The following KALRN variants were observed in gnomAD, a reference collection of about 807,000 sequenced individuals.
KALRN encodes kalirin RhoGEF kinase, also known as kalirin.
Under a neutral mutation model 353.7 loss-of-function variants are expected in KALRN, and 70 were observed. That is an observed-to-expected ratio of 0.20 (90% CI 0.16 to 0.24). The LOEUF (loss-of-function observed/expected upper bound fraction) is 0.24, where lower values mean the gene tolerates loss of function less well. KALRN is among the 10% of genes least tolerant of loss of function. The probability of loss-of-function intolerance (pLI) is 1.00; values close to 1 mark genes in which losing one functional copy is unlikely to be tolerated. For synonymous variants in KALRN, 1,391 were observed against 1,434.8 expected (o/e 0.97, Z 0.69); for missense variants, 2,791 against 3,756.7 (o/e 0.74, Z 6.72).
At chr3:124,107,315 C>T (rs1400090534) in intron 1 of KALRN, among the ~76,000 whole-genome samples, 5 of 152,160 alleles carry the variant, frequency 3.3e-5, no homozygotes, top group Non-Finnish European at 7.4e-5. Context: ...GTACAAGTCC[C>T]TCAGTGATAG....
intron 38 of KALRN, 70 bp from the exon 39 acceptor site, chr3:124,655,531 G>A (rs1436442997): frequency 4.3e-5 from 54 of 1,270,304 alleles, no homozygotes; most frequent in Non-Finnish European, 6.1e-5. Context: ...TAACTTTTCT[G>A]TGAACTTAAG....
intron 1 of KALRN, among the ~76,000 whole-genome samples, chr3:124,046,982 T>TC (rs1163162535): frequency 6.9e-6 from 1 of 144,244 alleles, no homozygotes; most frequent in Non-Finnish European, 1.5e-5. Flanking sequence ...AGGAAATGTA[T>TC]CTTTTTTTTT....
At chr3:124,174,890 G>A (rs1320185) in intron 1 of KALRN, among the ~76,000 whole-genome samples, 144,911 of 152,336 alleles carry the variant, frequency 0.95, 69,351 homozygotes, top group East Asian at 1. Flanking sequence ...CCGTAAGCTA[G>A]TCACCATCTT....
chr3:124,328,640 G>A (rs1466638181), intron 7 of KALRN, among the ~76,000 whole-genome samples: 2 of 152,190 alleles, frequency 1.3e-5, no homozygotes, highest in Non-Finnish European at 2.9e-5. Flanking sequence ...ATGGTCTAGT[G>A]TGTTACAAAA....
intron 6 of KALRN, among the ~76,000 whole-genome samples, chr3:124,309,481 A>T (rs1279902716): frequency 6.6e-6 from 1 of 152,112 alleles, no homozygotes; most frequent in Non-Finnish European, 1.5e-5. Context: ...GAGTTATTTG[A>T]CTCCAGGAGT....
intron 23 of KALRN, among the ~76,000 whole-genome samples, chr3:124,461,078 A>C (rs1246552157): frequency 6.6e-6 from 1 of 152,224 alleles, no homozygotes; most frequent in Non-Finnish European, 1.5e-5. Flanking sequence ...GCAAACATAG[A>C]CCAAATTTGA....
intron 10 of KALRN, among the ~76,000 whole-genome samples, chr3:124,362,425 C>T (rs1026808717): frequency 3.9e-5 from 6 of 152,240 alleles, no homozygotes; most frequent in African/African-American, 1.4e-4. Context: ...GATCTTATGG[C>T]CTCCTGCAGA....
At chr3:124,503,294 G>A (rs1038333842) in intron 33 of KALRN, among the ~76,000 whole-genome samples, 1 of 152,056 alleles carries the variant, frequency 6.6e-6, no homozygotes. Context: ...ATATAGCTGC[G>A]TAATCTCGAG....
intron 52 of KALRN, 131 bp from the exon 53 acceptor site, chr3:124,694,201 G>C: frequency 1.2e-6 from 1 of 841,900 alleles, no homozygotes; most frequent in South Asian, 1.7e-5. Context: ...TGACTCACCA[G>C]TGTTATACTG....
rs544458433 is a variant in KALRN at position 124,229,922 on chromosome 3, GT to G, written c.148+1860del. On this transcript the variant is annotated intron_variant, in intron 2 of 59. Coordinates refer to ENST00000682506, the MANE Select transcript of KALRN (RefSeq NM_001388419.1). ...TAATGAGCCCCCTGCCACTGAAGAT[GT>G]TGAACAGGCAGAACAACTCCTTGGC... 1.4e-3 allele frequency among the ~76,000 whole-genome samples: 216 copies of G among 152,362 alleles called. 3 individuals are homozygous for G. The highest frequency in any genetic ancestry group is 1.2e-3 in the East Asian group (6 of 5,190).
intron 34 of KALRN, among the ~76,000 whole-genome samples, chr3:124,624,263 T>C (rs2079671572): frequency 6.6e-6 from 1 of 152,194 alleles, no homozygotes; most frequent in Non-Finnish European, 1.5e-5. Context: ...TGCGTTCAAG[T>C]TACCCGTATT....
intron 23 of KALRN, among the ~76,000 whole-genome samples, chr3:124,459,426 T>C (rs1400010371): frequency 6.6e-6 from 1 of 152,242 alleles, no homozygotes; most frequent in East Asian, 1.9e-4. Flanking sequence ...AGAATTCATT[T>C]AGTGAGCTGG....
intron 3 of KALRN, among the ~76,000 whole-genome samples, chr3:124,263,361 GCTCT>G (rs2073127491): frequency 6.6e-6 from 1 of 152,102 alleles, no homozygotes; most frequent in African/African-American, 2.4e-5. Flanking sequence ...TCCACTCTTG[GCTCT>G]CTCTGAGTGA....
intron 1 of KALRN, among the ~76,000 whole-genome samples, chr3:124,215,413 C>T (rs1159714084): frequency 1.3e-5 from 2 of 152,222 alleles, no homozygotes; most frequent in Non-Finnish European, 1.5e-5. Flanking sequence ...GAGTTTACTC[C>T]GTTCACTTAC....
intron 23 of KALRN, among the ~76,000 whole-genome samples, chr3:124,457,998 G>A (rs1004572833): frequency 2.0e-5 from 3 of 152,096 alleles, no homozygotes; most frequent in South Asian, 2.1e-4. Context: ...TCTGCTGGCC[G>A]CGTGTGGTGG....
chr3:124,672,830 G>C (rs1204716677), intron 48 of KALRN, among the ~76,000 whole-genome samples: 2 of 152,264 alleles, frequency 1.3e-5, no homozygotes, highest in East Asian at 3.9e-4. Flanking sequence ...ACCTCATTAG[G>C]CCTCAGTTTT....
intron 12 of KALRN, 52 bp downstream of exon 12, chr3:124,395,395 A>AT: frequency 6.8e-7 from 1 of 1,469,512 alleles, no homozygotes; most frequent in Non-Finnish European, 9.3e-7. Flanking sequence ...TAGACGTGAG[A>AT]TAAGTCCTGT....
At chr3:124,649,237 T>C (rs939341110) in intron 37 of KALRN, among the ~76,000 whole-genome samples, 5 of 152,210 alleles carry the variant, frequency 3.3e-5, no homozygotes, top group African/African-American at 9.6e-5. Context: ...GTTTTTGATT[T>C]ATTTCTCTGG....
At chr3:124,566,721 C>A (rs996089410) in intron 34 of KALRN, among the ~76,000 whole-genome samples, 12 of 152,144 alleles carry the variant, frequency 7.9e-5, no homozygotes, top group African/African-American at 2.9e-4. Context: ...TGGCAAACCG[C>A]CTTTTCTTCT....
Sources: allele counts gnomAD v4.1 joint callset (sites outside exome capture counted in the v4.1 genomes callset), GRCh38; gene constraint gnomAD v4.1.1; transcripts MANE v1.5; gene names NCBI Gene and HGNC (gene_info 2026-07-23, HGNC 2026-07-21).